CDK17: variants seen among roughly 807,000 people sequenced by gnomAD.
CDK17 encodes cyclin dependent kinase 17, also known as cyclin-dependent kinase 17.
CDK17 carries 24 observed loss-of-function variants against 77.6 expected under a neutral mutation model. That is an observed-to-expected ratio of 0.31 (90% CI 0.22 to 0.44). The LOEUF is 0.44. CDK17 is among the 20% of genes least tolerant of loss of function. The pLI, the probability that CDK17 is intolerant of heterozygous loss-of-function variation, is 1.00. For synonymous variants in CDK17, 203 were observed against 210.4 expected (o/e 0.96, Z 0.30); for missense variants, 429 against 622.5 (o/e 0.69, Z 3.31).
chr12:96,322,865 A>C (rs1387281882), intron 3 of CDK17, among the ~76,000 whole-genome samples: 1 of 152,202 alleles, frequency 6.6e-6, no homozygotes, highest in Non-Finnish European at 1.5e-5. Context: ...AAACTTTAAC[A>C]ATCATCTCTT....
chr12:96,309,665 G>C (rs1234769136), intron 5 of CDK17, among the ~76,000 whole-genome samples: 1 of 152,076 alleles, frequency 6.6e-6, no homozygotes, highest in Non-Finnish European at 1.5e-5. Context: ...AAGAAAAACA[G>C]ACTTGGGTAG....
chr12:96,309,106 T>C (rs1952614833), intron 5 of CDK17, among the ~76,000 whole-genome samples: 1 of 152,226 alleles, frequency 6.6e-6, no homozygotes, highest in African/African-American at 2.4e-5. Flanking sequence ...CTTCTTGGCC[T>C]GACCTCTAAG....
intron 1 of CDK17, among the ~76,000 whole-genome samples, chr12:96,370,044 G>A (rs1336807623): frequency 4.6e-5 from 7 of 152,280 alleles, no homozygotes; most frequent in African/African-American, 1.2e-4. Flanking sequence ...CTGGACAGAA[G>A]GAAAGAACGG....
chr12:96,285,270 A>T (rs1952231921), intron 13 of CDK17, among the ~76,000 whole-genome samples: 1 of 152,200 alleles, frequency 6.6e-6, no homozygotes. Context: ...AAGAGTACCA[A>T]CTCACATAAA....
At chr12:96,342,774 A>G (rs532593288) in intron 1 of CDK17, among the ~76,000 whole-genome samples, 1 of 152,110 alleles carries the variant, frequency 6.6e-6, no homozygotes. Context: ...AGACCGCCTG[A>G]TCAACATGGA....
chr12:96,280,555 T>C, intron 16 of CDK17: 1 of 1,412,384 alleles, frequency 7.1e-7, no homozygotes, highest in Non-Finnish European at 9.2e-7. Flanking sequence ...AGGTCACTTG[T>C]AAAAGGTCTT....
rs140400538 is a variant in CDK17 at position 96,326,664 on chromosome 12, G to A, written c.119-2552C>T. Among the ~76,000 whole-genome samples, 37 of 152,356 alleles carry A rather than the reference G, an allele frequency of 2.4e-4. No individual in the cohort carries two copies. In the East Asian group the frequency reaches 6.9e-3, roughly 29 times the overall value. ...TCTCACCCACAGACTTCCTGGTTCAGTAGGTCTGGTGTGGAATCTAAAAAT... is the reference window on the plus strand; with the variant it reads ...TCTCACCCACAGACTTCCTGGTTCAATAGGTCTGGTGTGGAATCTAAAAAT... On this transcript the variant is annotated intron_variant, in intron 2 of 16. Coordinates refer to ENST00000261211, the MANE Select transcript of CDK17 (RefSeq NM_002595.5).
At chr12:96,392,270 T>C (rs1045778329) in intron 1 of CDK17, among the ~76,000 whole-genome samples, 1 of 152,204 alleles carries the variant, frequency 6.6e-6, no homozygotes, top group Non-Finnish European at 1.5e-5. Flanking sequence ...CATTGTAATA[T>C]CAACATACCA....
intron 1 of CDK17, among the ~76,000 whole-genome samples, chr12:96,381,593 A>AT (rs894351494): frequency 1.3e-5 from 2 of 151,994 alleles, no homozygotes; most frequent in South Asian, 2.1e-4. Context: ...ATAGATCTAC[A>AT]TTTTTTTGCC....
intron 13 of CDK17, chr12:96,285,790 A>G (rs1952237928): frequency 4.4e-6 from 1 of 226,820 alleles, no homozygotes; most frequent in African/African-American, 2.3e-5. Flanking sequence ...TTCTGTAGAA[A>G]GCAAAACAGG....
intron 1 of CDK17, among the ~76,000 whole-genome samples, chr12:96,372,668 T>C (rs963627937): frequency 1.2e-4 from 18 of 152,208 alleles, no homozygotes; most frequent in Admixed American, 3.9e-4. Flanking sequence ...CCACTTTTTT[T>C]CAGAGGTTTT....
chr12:96,339,903 G>A (rs1015428257), intron 1 of CDK17, among the ~76,000 whole-genome samples: 1 of 151,508 alleles, frequency 6.6e-6, no homozygotes, highest in Non-Finnish European at 1.5e-5. Context: ...CTCCAGCCTG[G>A]GTGACAGAGA....
At chr12:96,312,567 T>C (rs1388088059) in intron 4 of CDK17, among the ~76,000 whole-genome samples, 1 of 152,208 alleles carries the variant, frequency 6.6e-6, no homozygotes, top group Non-Finnish European at 1.5e-5. Flanking sequence ...AAGAATCCTT[T>C]TATAATGAAA....
intron 1 of CDK17, chr12:96,399,373 T>G (rs1954222018): frequency 6.6e-6 from 1 of 152,364 alleles, no homozygotes; most frequent in African/African-American, 2.4e-5. Context: ...CTCCGGGGTG[T>G]GACCCGCCAG....
intron 1 of CDK17, among the ~76,000 whole-genome samples, chr12:96,362,905 A>G (rs1371264939): frequency 1.3e-5 from 2 of 152,108 alleles, no homozygotes; most frequent in Non-Finnish European, 2.9e-5. Context: ...AATACTGACT[A>G]AAATGATTTC....
intron 1 of CDK17, among the ~76,000 whole-genome samples, chr12:96,356,418 C>T (rs1953395069): frequency 1.3e-5 from 2 of 152,198 alleles, no homozygotes. Context: ...GCCTCAGCCC[C>T]CCAAGTCGCT....
intron 5 of CDK17, among the ~76,000 whole-genome samples, chr12:96,308,050 G>A (rs1411831081): frequency 2.6e-5 from 4 of 151,844 alleles, no homozygotes; most frequent in Admixed American, 2.6e-4. Flanking sequence ...ATTTTTTAGA[G>A]TATGTCACCA....
At chr12:96,325,248 A>C (rs1264881376) in intron 2 of CDK17, among the ~76,000 whole-genome samples, 1 of 152,172 alleles carries the variant, frequency 6.6e-6, no homozygotes, top group African/African-American at 2.4e-5. Flanking sequence ...GAAGCCAACT[A>C]TTCTTCTGTA....
intron 5 of CDK17, among the ~76,000 whole-genome samples, chr12:96,306,649 C>G (rs749837486): frequency 9.2e-5 from 14 of 152,034 alleles, no homozygotes; most frequent in Admixed American, 2.0e-4. Flanking sequence ...AACCAAGGGT[C>G]CAGACTTCTA....
Sources: gnomAD v4.1 joint callset for allele counts (sites outside exome capture counted in the v4.1 genomes callset) on GRCh38, gnomAD v4.1.1 for gene constraint, MANE v1.5 for transcripts, NCBI Gene and HGNC (gene_info 2026-07-23, HGNC 2026-07-21) for gene names.